Variants in MDGA1 observed in about 807,000 individuals in gnomAD.
MDGA1 encodes the protein MAM domain-containing glycosylphosphatidylinositol anchor protein 1.
MDGA1 carries 54 observed loss-of-function variants against 101.5 expected under a neutral mutation model. The observed-to-expected ratio is 0.53, with a 90% confidence interval of 0.43 to 0.67. The LOEUF is 0.67. MDGA1 is among the 30% of genes least tolerant of loss of function. The probability of loss-of-function intolerance (pLI) is 0.00; values close to 1 mark genes in which losing one functional copy is unlikely to be tolerated. For synonymous variants in MDGA1, 533 were observed against 558.3 expected (o/e 0.95, Z 0.64); for missense variants, 1,083 against 1,323.8 (o/e 0.82, Z 2.82).
chr6:37,635,838 C>G lies in MDGA1; in HGVS notation c.*1530G>C, dbSNP rs1181856991. 1 of 398,070 alleles carries G rather than the reference C, an allele frequency of 2.5e-6. No homozygotes were observed. Among genetic ancestry groups the G allele is most frequent in the Non-Finnish European group, 4.4e-6 (1 of 226,082 alleles). The allele number at this position is 398,070 out of a possible 1,614,324, so 24.7% of individuals were successfully genotyped here. On this transcript the variant is annotated 3_prime_UTR_variant, in exon 17 of 17. Transcript: ENST00000434837. ...ACTACAGAACAGGGCTGGACAGAGT[C>G]TATTCAGCCAGCACCCTACAAGCGA...
Position 37,652,274 on chromosome 6 carries a change from C to T in MDGA1, c.1049G>A (p.Gly350Asp). The T allele has an allele frequency of 2.5e-6, 4 of 1,613,962 alleles. No individual in the cohort carries two copies. Among genetic ancestry groups the T allele is most frequent in the Non-Finnish European group, 3.4e-6 (4 of 1,179,886 alleles). Residue 350 changes from glycine (G) to aspartate (D), a missense_variant, in exon 7 of 17, where the codon GGC becomes GAC. By Grantham distance (94) the Gly-to-Asp change is moderately conservative (BLOSUM62 -1). This residue lies in a region of MDGA1 where 116 missense variants were observed against 196.6 expected (regional missense o/e 0.59). Coordinates refer to ENST00000434837, the MANE Select transcript of MDGA1 (RefSeq NM_153487.4). This position sits in a 1 kb window ranked among gnomAD's most constrained non-coding sequence, Gnocchi z 4.3. ...VIKESENIQLGQDLKLSCHVD... is the reference protein window; with the variant it reads ...VIKESENIQLDQDLKLSCHVD... ...GTGGCACGATAGCTTCAGGTCCTGG[C>T]CCAGCTGGATGTTCTCACTCTCTTT...
At chr6:37,650,772 T>C (rs1561845129) in intron 7 of MDGA1, among the ~76,000 whole-genome samples, 2 of 152,220 alleles carry the variant, frequency 1.3e-5, no homozygotes, top group African/African-American at 2.4e-5. Context: ...TCATCTTCTC[T>C]TGCCCTAGTG....
intron 2 of MDGA1, among the ~76,000 whole-genome samples, chr6:37,661,185 G>A (rs959936472): frequency 1.3e-5 from 2 of 152,176 alleles, no homozygotes; most frequent in African/African-American, 4.8e-5. Flanking sequence ...AGCCATGGAT[G>A]GACCTGTAGC....
chr6:37,630,832 G>A lies in MDGA1; in HGVS notation c.*6536C>T, dbSNP rs1334399811. On this transcript the variant is annotated 3_prime_UTR_variant, in exon 17 of 17. Transcript: ENST00000434837. Reference sequence around the variant, plus strand: ...GTGCTTTGGTGGAGATGGCTGGAAGGCTGGACTCAGCTGGGATGGTCAGCC... The same window carrying A: ...GTGCTTTGGTGGAGATGGCTGGAAGACTGGACTCAGCTGGGATGGTCAGCC... 1 of 152,220 alleles carries A rather than the reference G, an allele frequency of 6.6e-6. No homozygotes were observed. Among genetic ancestry groups the A allele is most frequent in the African/African-American group, 2.4e-5 (1 of 41,426 alleles). The allele number at this position is 152,220 out of a possible 1,614,324, so 9.4% of individuals were successfully genotyped here.
chr6:37,676,296 G>C (rs1236990268), intron 1 of MDGA1, among the ~76,000 whole-genome samples: 1 of 152,238 alleles, frequency 6.6e-6, no homozygotes, highest in Non-Finnish European at 1.5e-5. Flanking sequence ...CAGAGCCTGG[G>C]CCAGGAAGTG....
chr6:37,647,720 G>A (rs565442615), intron 9 of MDGA1, among the ~76,000 whole-genome samples: 1 of 151,710 alleles, frequency 6.6e-6, no homozygotes, highest in South Asian at 2.1e-4. Context: ...AGAAGGGAGA[G>A]GAGGGGAATA....
intron 8 of MDGA1, 37 bp from the exon 9 acceptor site, chr6:37,649,303 C>T (rs1428561122): frequency 9.6e-6 from 14 of 1,451,192 alleles, no homozygotes; most frequent in Middle Eastern, 2.5e-4. Context: ...GGCCTCTCCC[C>T]AGCGAGTGGG....
chr6:37,646,472 C>G, intron 10 of MDGA1, 97 bp from the exon 11 acceptor site: 1 of 1,021,142 alleles, frequency 9.8e-7, no homozygotes, highest in African/African-American at 1.6e-5. Context: ...GCCCACCTCC[C>G]AGGGCTGTCT....
rs910819218 is a variant in MDGA1, at chr6:37,662,193, G to A, written c.207+1774C>T. Among the ~76,000 whole-genome samples, 6 of 151,266 alleles carry A rather than the reference G, an allele frequency of 4.0e-5. No homozygotes were observed. The East Asian group carries it at 9.8e-4, about 25-fold the overall frequency. On this transcript the variant is annotated intron_variant, in intron 2 of 16. Coordinates refer to ENST00000434837, the MANE Select transcript of MDGA1 (RefSeq NM_153487.4). Reference sequence around the variant, plus strand: ...AAAAAAAAAATAGATGGGAGGAGGGGTGAGGTGAGAGATTGGGAGGTCAGT... The same window carrying A: ...AAAAAAAAAATAGATGGGAGGAGGGATGAGGTGAGAGATTGGGAGGTCAGT...
rs182751079 is a variant in MDGA1, at chr6:37,651,359, T to C, written c.1312+652A>G. Among the ~76,000 whole-genome samples the C allele has an allele frequency of 3.9e-5, 6 of 152,358 alleles. No individual in the cohort carries two copies. The East Asian group carries it at 9.6e-4, about 24-fold the overall frequency. On this transcript the variant is annotated intron_variant, in intron 7 of 16. Transcript: ENST00000434837. ...TCAAACAAATTAAAATGTACCCATGTTCCACATTAAATATAATTTAAATAC... is the reference window on the plus strand; with the variant it reads ...TCAAACAAATTAAAATGTACCCATGCTCCACATTAAATATAATTTAAATAC...
intron 1 of MDGA1, among the ~76,000 whole-genome samples, chr6:37,676,841 G>A (rs1386660160): frequency 6.6e-6 from 1 of 150,962 alleles, no homozygotes; most frequent in Non-Finnish European, 1.5e-5. Flanking sequence ...AGGTTGCAGT[G>A]AGCTGAGATT....
intron 14 of MDGA1, among the ~76,000 whole-genome samples, chr6:37,640,648 TG>T (rs1280743696): frequency 2.6e-5 from 4 of 152,052 alleles, no homozygotes; most frequent in African/African-American, 9.7e-5. Flanking sequence ...TTGGGGGTCC[TG>T]GATGTCCTCT....
chr6:37,661,298 A>C (rs1761619591), intron 2 of MDGA1, among the ~76,000 whole-genome samples: 1 of 152,166 alleles, frequency 6.6e-6, no homozygotes, highest in Non-Finnish European at 1.5e-5. Context: ...GCTACCTGCC[A>C]TCACTGTAGA....
chr6:37,683,624 G>A (rs1762139849), intron 1 of MDGA1, among the ~76,000 whole-genome samples: 1 of 152,246 alleles, frequency 6.6e-6, no homozygotes. Flanking sequence ...ACCTCACCCA[G>A]TGACAGAGGC....
chr6:37,685,312 A>T (rs1198908074), intron 1 of MDGA1, among the ~76,000 whole-genome samples: 1 of 152,112 alleles, frequency 6.6e-6, no homozygotes, highest in East Asian at 1.9e-4. Context: ...AAAAAAAAAA[A>T]TCACTTCAGG....
At chr6:37,690,100 C>T (rs1208365449) in intron 1 of MDGA1, among the ~76,000 whole-genome samples, 1 of 152,210 alleles carries the variant, frequency 6.6e-6, no homozygotes, top group Non-Finnish European at 1.5e-5. Flanking sequence ...CATTCTGCTC[C>T]AGCCACATTG....
chr6:37,638,968 C>T lies in MDGA1; in HGVS notation c.2537-301G>A. Reference sequence around the variant, plus strand: ...CCCAAACACACACATGCACACACACCCTACCCTTCCCCTCTAGGCAAGGGA... The same window carrying T: ...CCCAAACACACACATGCACACACACTCTACCCTTCCCCTCTAGGCAAGGGA... On this transcript the variant is annotated intron_variant, in intron 14 of 16. Transcript: ENST00000434837. The surrounding 1 kb of genome is among the most constrained non-coding windows in gnomAD (Gnocchi z 4.8). 2 of 313,118 alleles carry T rather than the reference C, an allele frequency of 6.4e-6. No homozygotes were observed. Among genetic ancestry groups the T allele is most frequent in the African/African-American group, 2.1e-5 (1 of 47,356 alleles). The allele number at this position is 313,118 out of a possible 1,614,324, so 19.4% of individuals were successfully genotyped here.
chr6:37,641,479 T>C (rs1764079842), intron 14 of MDGA1, among the ~76,000 whole-genome samples: 1 of 152,194 alleles, frequency 6.6e-6, no homozygotes. Flanking sequence ...CCTATGGCTA[T>C]GGGCAAATGG....
Position 37,655,797 on chromosome 6 carries a change from G to C in MDGA1, c.482C>G (p.Ser161Cys), listed in dbSNP as rs1289874188. The C allele has an allele frequency of 1.9e-6, 3 of 1,613,708 alleles. No individual in the cohort carries two copies. The highest frequency in any genetic ancestry group is 1.7e-6 in the Non-Finnish European group (2 of 1,179,772). The change falls in exon 4 of 17, where the codon TCC (serine) becomes TGC (cysteine). Residue 161 changes from serine to cysteine, a missense_variant. Ser to Cys is a moderately radical substitution (Grantham distance 112, BLOSUM62 -1). This residue lies in a region of MDGA1 where 310 missense variants were observed against 355.9 expected (regional missense o/e 0.87). Coordinates refer to ENST00000434837, the MANE Select transcript of MDGA1 (RefSeq NM_153487.4). This position sits in a 1 kb window ranked among gnomAD's most constrained non-coding sequence, Gnocchi z 5.1. ...CCAGATGAAGCGGGCAGGCGGGTTG[G>C]AGTTGACAGTACAGCGCAGGAACAC... Reference protein sequence around the residue: ...KTVFLRCTVNSNPPARFIWKR... With the variant: ...KTVFLRCTVNCNPPARFIWKR...
Sources: allele counts gnomAD v4.1 joint callset (sites outside exome capture counted in the v4.1 genomes callset), GRCh38; gene constraint gnomAD v4.1.1; regional missense constraint gnomAD v4.1.1; non-coding constraint Gnocchi (gnomAD v3.1); transcripts MANE v1.5; gene names NCBI Gene and HGNC (gene_info 2026-07-23, HGNC 2026-07-21).